The following UGT2A1 variants were observed in gnomAD, a reference collection of about 807,000 sequenced individuals.
UGT2A1 encodes UDP-glucuronosyltransferase 2A1.
Under a neutral mutation model 45.4 loss-of-function variants are expected in UGT2A1, and 61 were observed. That is an observed-to-expected ratio of 1.34 (90% CI 1.09 to 1.66). UGT2A1 has a LOEUF of 1.66. Ranked by LOEUF, UGT2A1 falls within the 40% of genes most tolerant of loss-of-function variation. The probability of loss-of-function intolerance (pLI) is 0.00; values close to 1 mark genes in which losing one functional copy is unlikely to be tolerated. For missense variants in UGT2A1, 649 were observed against 574.3 expected (o/e 1.13, Z -1.33); for synonymous variants, 229 against 196.2 (o/e 1.17, Z -1.40).
intron 6 of UGT2A1, among the ~76,000 whole-genome samples, chr4:69,593,103 A>G (rs1325684850): frequency 6.6e-6 from 1 of 152,148 alleles, no homozygotes; most frequent in Non-Finnish European, 1.5e-5. Context: ...AATATATTGT[A>G]TTCAGATAAA....
chr4:69,637,169 A>T (rs1238276976), intron 2 of UGT2A1, among the ~76,000 whole-genome samples: 1 of 152,170 alleles, frequency 6.6e-6, no homozygotes, highest in Non-Finnish European at 1.5e-5. Context: ...AAAAAAAGAA[A>T]CTACGGTTAA....
At position 69,594,663 on chromosome 4, in the gene UGT2A1, C is replaced by T. The variant is rs759259336; in HGVS notation, c.1118G>A (p.Gly373Asp). Reference sequence around the variant, plus strand: ...AGCTTCGTAGATCCCATTAGTTCCACCATGAGTGATAAAAGCTTTGGTTTT... The same window carrying T: ...AGCTTCGTAGATCCCATTAGTTCCATCATGAGTGATAAAAGCTTTGGTTTT... ...HPKTKAFITH[G>D]GTNGIYEAIY... is the part of the protein sequence containing the mutation. The change falls in exon 6 of 7, where the codon GGT becomes GAT. Residue 373 changes from glycine (G) to aspartate (D), a missense_variant. Physicochemically the swap from Gly to Asp is moderately conservative, Grantham distance 94. Transcript: ENST00000286604. 1.9e-6 allele frequency: 3 copies of T among 1,614,026 alleles called. No individual in the cohort carries two copies. Among genetic ancestry groups the T allele is most frequent in the Middle Eastern group, 3.3e-4 (2 of 6,062 alleles).
intron 1 of UGT2A1, among the ~76,000 whole-genome samples, chr4:69,648,548 A>C (rs1197068287): frequency 6.6e-6 from 1 of 151,990 alleles, no homozygotes; most frequent in Non-Finnish European, 1.5e-5. Flanking sequence ...CAAACTCTTT[A>C]ACACGTTAAT....
intron 3 of UGT2A1, among the ~76,000 whole-genome samples, chr4:69,629,883 A>G: frequency 6.6e-6 from 1 of 152,098 alleles, no homozygotes. Context: ...GATCCATAAG[A>G]ATAATCAGTA....
chr4:69,607,201 G>GTACTGGTACCAAAACAGCATGA, intron 3 of UGT2A1, among the ~76,000 whole-genome samples: 1 of 150,242 alleles, frequency 6.7e-6, no homozygotes, highest in African/African-American at 2.5e-5. Context: ...AAACAGCATG[G>GTACTGGTACCAAAACAGCATGA]TACTGGTACC....
intron 3 of UGT2A1, among the ~76,000 whole-genome samples, chr4:69,632,676 T>G (rs1005735008): frequency 2.6e-5 from 4 of 151,894 alleles, no homozygotes; most frequent in Non-Finnish European, 5.9e-5. Context: ...GATCACAAAG[T>G]CAAGAGTTTG....
chr4:69,639,116 T>C, intron 2 of UGT2A1: 1 of 1,613,580 alleles, frequency 6.2e-7, no homozygotes, highest in Non-Finnish European at 8.5e-7. Flanking sequence ...TGTACATAAA[T>C]GGAATTCCTA....
intron 6 of UGT2A1, among the ~76,000 whole-genome samples, chr4:69,592,097 C>T (rs1283635409): frequency 6.6e-6 from 1 of 152,060 alleles, no homozygotes; most frequent in Non-Finnish European, 1.5e-5. Context: ...AATACATTAG[C>T]CCTCGTGTCT....
At chr4:69,625,481 G>A (rs565216342) in intron 3 of UGT2A1, among the ~76,000 whole-genome samples, 2 of 150,818 alleles carry the variant, frequency 1.3e-5, no homozygotes, top group Non-Finnish European at 3.0e-5. Context: ...TTTTCATTTT[G>A]TATAGTTTCT....
intron 3 of UGT2A1, among the ~76,000 whole-genome samples, chr4:69,614,340 A>G (rs957536782): frequency 6.6e-6 from 1 of 152,056 alleles, no homozygotes; most frequent in Non-Finnish European, 1.5e-5. Flanking sequence ...AAAAATGAAA[A>G]TGTTTTCTGT....
At chr4:69,607,218 G>GCATGGTACTGGTACCAA (rs1553904403) in intron 3 of UGT2A1, among the ~76,000 whole-genome samples, 15 of 150,026 alleles carry the variant, frequency 1.0e-4, no homozygotes, top group Non-Finnish European at 1.3e-4. Flanking sequence ...TACCAAAACA[G>GCATGGTACTGGTACCAA]AGATAAAGAC....
intron 3 of UGT2A1, among the ~76,000 whole-genome samples, chr4:69,629,333 C>G (rs1052388434): frequency 6.6e-6 from 1 of 151,914 alleles, no homozygotes; most frequent in African/African-American, 2.4e-5. Flanking sequence ...TTGTACATTC[C>G]CAAAAAAGAC....
At chr4:69,612,335 A>G (rs900021509) in intron 3 of UGT2A1, among the ~76,000 whole-genome samples, 21 of 152,128 alleles carry the variant, frequency 1.4e-4, no homozygotes, top group Non-Finnish European at 2.2e-4. Flanking sequence ...GCCCAAAGTA[A>G]TTTACACATT....
At chr4:69,614,778 T>C (rs1395400872) in intron 3 of UGT2A1, among the ~76,000 whole-genome samples, 1 of 151,994 alleles carries the variant, frequency 6.6e-6, no homozygotes, top group Non-Finnish European at 1.5e-5. Flanking sequence ...ACAATGAAAG[T>C]GGACCTCTGA....
rs779070738 is a variant in UGT2A1 at position 69,646,907 on chromosome 4, TAAA to T, written c.715+20_715+22del. The T allele has an allele frequency of 4.0e-6, 6 of 1,516,786 alleles. No homozygotes were observed. Among genetic ancestry groups the T allele is most frequent in the Admixed American group, 2.2e-5 (1 of 45,110 alleles). The allele number at this position is 1,516,786 out of a possible 1,614,324, so 94.0% of individuals were successfully genotyped here. ...GGTCTGTTTGTTCAAATTCAAGTAA[TAAA>T]AACAAAATTTGTTACATACCTAAAG... is the stretch of plus-strand genomic sequence containing the variant. On this transcript the variant is annotated intron_variant, in intron 2 of 6. Coordinates refer to ENST00000286604, the MANE Select transcript of UGT2A1 (RefSeq NM_001252275.3).
chr4:69,649,077 A>AT (rs1476808179), intron 1 of UGT2A1, among the ~76,000 whole-genome samples: 4 of 152,092 alleles, frequency 2.6e-5, no homozygotes, highest in Non-Finnish European at 5.9e-5. Context: ...GTTTGTATGC[A>AT]TATGTCTGTG....
intron 2 of UGT2A1, among the ~76,000 whole-genome samples, chr4:69,646,692 T>C (rs904595480): frequency 7.2e-5 from 11 of 151,890 alleles, no homozygotes; most frequent in African/African-American, 2.7e-4. Flanking sequence ...TATTTGTCAC[T>C]ATATTTTATC....
chr4:69,599,519 C>T, intron 3 of UGT2A1, 125 bp from the exon 4 acceptor site: 1 of 1,338,790 alleles, frequency 7.5e-7, no homozygotes. Context: ...TTCTAGAATA[C>T]TTATCATGTT....
chr4:69,641,461 C>G (rs4694225), intron 2 of UGT2A1, among the ~76,000 whole-genome samples: 56,985 of 151,434 alleles, frequency 0.38, 11,127 homozygotes, highest in East Asian at 0.58. Flanking sequence ...AATATTGCAC[C>G]TGATGGCTAG....
Sources: gnomAD v4.1 joint callset for allele counts (sites outside exome capture counted in the v4.1 genomes callset) on GRCh38, gnomAD v4.1.1 for gene constraint, MANE v1.5 for transcripts, NCBI Gene and HGNC (gene_info 2026-07-23, HGNC 2026-07-21) for gene names.